Variants in GTF2IRD1 observed in about 807,000 individuals in gnomAD.
The protein encoded by GTF2IRD1 is GTF2I repeat domain containing 1.
A neutral mutation model predicts 113.2 loss-of-function variants in GTF2IRD1; 26 were observed. The ratio of observed to expected loss-of-function variants is 0.23; its 90% CI spans 0.17 to 0.32. GTF2IRD1 has a LOEUF of 0.32. GTF2IRD1 is among the 10% of genes least tolerant of loss of function. The probability of loss-of-function intolerance (pLI) is 1.00; values close to 1 mark genes in which losing one functional copy is unlikely to be tolerated. For missense variants in GTF2IRD1, 864 were observed against 1,280.8 expected, an observed-to-expected ratio of 0.67 and a Z score of 4.97; for synonymous variants, 484 against 529.1, an observed-to-expected ratio of 0.91 and a Z score of 1.17.
intron 22 of GTF2IRD1, among the ~76,000 whole-genome samples, chr7:74,578,406 G>A (rs587621694): frequency 3.9e-5 from 6 of 152,076 alleles, no homozygotes; most frequent in African/African-American, 1.2e-4. Context: ...TCCATCTCCT[G>A]ACCTCACGAT....
At position 74,531,698 on chromosome 7, in the gene GTF2IRD1, C is replaced by T. The variant is rs782079134; in HGVS notation, c.1274+1781C>T. ...AGGAGTTCAAGACCAGCCTGGCCAACGTAGCAAGACCCCATCTCCAAAAAG... is the reference window on the plus strand; with the variant it reads ...AGGAGTTCAAGACCAGCCTGGCCAATGTAGCAAGACCCCATCTCCAAAAAG... On this transcript the variant is annotated intron_variant, in intron 9 of 26. Coordinates refer to ENST00000424337, the MANE Select transcript of GTF2IRD1 (RefSeq NM_005685.4). 5.3e-4 allele frequency among the ~76,000 whole-genome samples: 81 copies of T among 151,614 alleles called. 1 individual carries two copies. Among genetic ancestry groups the T allele is most frequent in the Non-Finnish European group, 8.5e-4 (58 of 67,904 alleles).
At chr7:74,533,854 C>T (rs1355583037) in intron 9 of GTF2IRD1, among the ~76,000 whole-genome samples, 1 of 151,814 alleles carries the variant, frequency 6.6e-6, no homozygotes, top group African/African-American at 2.4e-5. Flanking sequence ...ACAGTAAGAC[C>T]CTGTCTCTAC....
At chr7:74,565,580 T>C (rs1651366005) in intron 22 of GTF2IRD1, among the ~76,000 whole-genome samples, 1 of 152,076 alleles carries the variant, frequency 6.6e-6, no homozygotes, top group African/African-American at 2.4e-5. Context: ...GTTCAGGATA[T>C]GCTGGGAAGA....
At chr7:74,519,230 AC>A (rs1797122657) in intron 5 of GTF2IRD1, among the ~76,000 whole-genome samples, 178 bp from the exon 6 acceptor site, 1 of 152,148 alleles carries the variant, frequency 6.6e-6, no homozygotes, top group African/African-American at 2.4e-5. Context: ...CCCTGGGCAC[AC>A]CATTCCCACC....
chr7:74,530,076 G>C (rs1338948335), intron 9 of GTF2IRD1, among the ~76,000 whole-genome samples, 159 bp downstream of exon 9: 1 of 152,154 alleles, frequency 6.6e-6, no homozygotes, highest in Admixed American at 6.6e-5. Context: ...CAGGTGTGGT[G>C]GTGGGTGCCT....
chr7:74,504,753 G>GCT (rs1796215242), intron 1 of GTF2IRD1, among the ~76,000 whole-genome samples: 1 of 147,090 alleles, frequency 6.8e-6, no homozygotes, highest in Admixed American at 6.9e-5. Flanking sequence ...TGTTGCCCAG[G>GCT]CTGGAATGCA....
intron 1 of GTF2IRD1, among the ~76,000 whole-genome samples, chr7:74,495,980 A>G (rs1426846290): frequency 3.3e-5 from 5 of 152,104 alleles, no homozygotes; most frequent in African/African-American, 9.7e-5. Context: ...CACTGCATTC[A>G]GACTGTGCTG....
chr7:74,586,324 G>A (rs1281125589), intron 22 of GTF2IRD1, among the ~76,000 whole-genome samples: 1 of 152,128 alleles, frequency 6.6e-6, no homozygotes, highest in African/African-American at 2.4e-5. Context: ...TGAAAGGAAG[G>A]CCCGTGTTGG....
chr7:74,543,635 C>T (rs1436878853), intron 14 of GTF2IRD1, among the ~76,000 whole-genome samples: 1 of 152,108 alleles, frequency 6.6e-6, no homozygotes, highest in Non-Finnish European at 1.5e-5. Context: ...TGCAGTGGCT[C>T]ATGTCTGTAA....
intron 8 of GTF2IRD1, 92 bp downstream of exon 8, chr7:74,524,246 C>T (rs1236970883): frequency 1.6e-5 from 9 of 553,706 alleles, no homozygotes; most frequent in African/African-American, 7.8e-5. Flanking sequence ...AACACGGCAG[C>T]GGGAGCCATA....
chr7:74,521,966 C>T (rs114533294), intron 7 of GTF2IRD1, among the ~76,000 whole-genome samples: 1,573 of 152,112 alleles, frequency 0.01, 17 homozygotes, highest in African/African-American at 0.035. Flanking sequence ...CGGGAGGAGA[C>T]GCTTCTGAGC....
At position 74,555,100 on chromosome 7, in the gene GTF2IRD1, C is replaced by G; in HGVS notation, c.1917-74C>G. On this transcript the variant is annotated intron_variant, in intron 17 of 26. Coordinates refer to ENST00000424337, the MANE Select transcript of GTF2IRD1 (RefSeq NM_005685.4). This position sits in a 1 kb window ranked among gnomAD's most constrained non-coding sequence, Gnocchi z 5.3. ...CATTGCAGGGCTGTGTAGACTGAGG[C>G]CCAGAGAGGAGGGCTGAGCAGTCCC... is the stretch of plus-strand genomic sequence containing the variant. The G allele has an allele frequency of 7.3e-7, 1 of 1,376,606 alleles. No homozygotes were observed. The highest frequency in any genetic ancestry group is 1.0e-6 in the Non-Finnish European group (1 of 979,504). 85.3% of individuals were successfully genotyped at this position (1,376,606 alleles called of 1,614,324 possible). A position where few individuals can be genotyped will look rare whatever the true frequency, so the allele number is the denominator to read the frequency against.
At chr7:74,481,209 C>T (rs1350358659) in intron 1 of GTF2IRD1, among the ~76,000 whole-genome samples, 1 of 152,188 alleles carries the variant, frequency 6.6e-6, no homozygotes, top group Non-Finnish European at 1.5e-5. Flanking sequence ...GGCTGGAGTG[C>T]AGTGGCGCAA....
At chr7:74,596,515 C>T (rs1250771199) in intron 25 of GTF2IRD1, among the ~76,000 whole-genome samples, 5 of 149,216 alleles carry the variant, frequency 3.4e-5, no homozygotes, top group African/African-American at 5.0e-5. Context: ...TGGTGGTGCA[C>T]GCCTGCAGTC....
At chr7:74,535,747 G>A (rs180670735) in intron 10 of GTF2IRD1, among the ~76,000 whole-genome samples, 9 of 152,286 alleles carry the variant, frequency 5.9e-5, no homozygotes, top group East Asian at 3.9e-4. Flanking sequence ...CAGTGTCCAC[G>A]TCTGTGAGAT....
intron 21 of GTF2IRD1, 126 bp downstream of exon 21, chr7:74,559,170 A>C (rs1420132683): frequency 4.7e-6 from 4 of 855,086 alleles, no homozygotes; most frequent in Non-Finnish European, 7.2e-6. Context: ...TCCTGGCACC[A>C]TCCTGGGTCC....
intron 8 of GTF2IRD1, among the ~76,000 whole-genome samples, chr7:74,524,640 C>T (rs1482003470): frequency 2.0e-5 from 3 of 152,090 alleles, no homozygotes; most frequent in Middle Eastern, 3.4e-3. Flanking sequence ...CAGAGGCAGG[C>T]GGATCACCTG....
At chr7:74,454,978 C>T (rs1237692454) in intron 1 of GTF2IRD1, among the ~76,000 whole-genome samples, 1 of 152,162 alleles carries the variant, frequency 6.6e-6, no homozygotes, top group East Asian at 1.9e-4. Flanking sequence ...GGCCAGCAGC[C>T]AGGGAGTGAG....
At chr7:74,498,978 C>T (rs1462654415) in intron 1 of GTF2IRD1, among the ~76,000 whole-genome samples, 1 of 152,246 alleles carries the variant, frequency 6.6e-6, no homozygotes, top group Non-Finnish European at 1.5e-5. Flanking sequence ...GATCCTCCCA[C>T]CTCTGCCTCC....
Sources: allele counts gnomAD v4.1 joint callset (sites outside exome capture counted in the v4.1 genomes callset), GRCh38; gene constraint gnomAD v4.1.1; non-coding constraint Gnocchi (gnomAD v3.1); transcripts MANE v1.5; gene names NCBI Gene and HGNC (gene_info 2026-07-23, HGNC 2026-07-21).